The following KLHDC1 variants were observed in gnomAD, a reference collection of about 807,000 sequenced individuals.
KLHDC1 encodes kelch domain-containing protein 1.
Under a neutral mutation model 68.3 loss-of-function variants are expected in KLHDC1, and 53 were observed. That is an observed-to-expected ratio of 0.78 (90% CI 0.62 to 0.98). The LOEUF (loss-of-function observed/expected upper bound fraction) is 0.98. Ranked by LOEUF, KLHDC1 falls within the 50% of genes least tolerant of loss-of-function variation. The pLI, the probability that KLHDC1 is intolerant of heterozygous loss-of-function variation, is 0.00. For synonymous variants in KLHDC1, 148 were observed against 159.0 expected, an observed-to-expected ratio of 0.93 and a Z score of 0.52; for missense variants, 470 against 492.3, an observed-to-expected ratio of 0.95 and a Z score of 0.43.
At chr14:49,703,346 T>C (rs1178430367) in intron 1 of KLHDC1, among the ~76,000 whole-genome samples, 2 of 144,188 alleles carry the variant, frequency 1.4e-5, no homozygotes, top group Non-Finnish European at 3.1e-5. Flanking sequence ...TTTCATGAAT[T>C]TTTTTTTTTT....
intron 4 of KLHDC1, among the ~76,000 whole-genome samples, chr14:49,718,785 T>C (rs1417578495): frequency 2.9e-5 from 4 of 137,892 alleles, no homozygotes; most frequent in African/African-American, 1.1e-4. Flanking sequence ...TTTTTTTTTT[T>C]TTTTTTTTTG....
rs1888146910 is a variant in KLHDC1 at position 49,709,647 on chromosome 14, T to G, written c.168-62T>G. 5.3e-5 allele frequency: 46 copies of G among 875,354 alleles called. No individual in the cohort carries two copies. In the South Asian group the frequency reaches 6.4e-4, roughly 12 times the overall value. 54.2% of individuals were successfully genotyped at this position (875,354 alleles called of 1,614,324 possible). A position where few individuals can be genotyped will look rare whatever the true frequency, so the allele number is the denominator to read the frequency against. On this transcript the variant is annotated intron_variant, in intron 2 of 12. Coordinates refer to ENST00000359332, the MANE Select transcript of KLHDC1 (RefSeq NM_172193.3). The stretch of plus-strand genomic sequence containing the variant: ...CACTGACAAAAGTACTCATGGAGTT[T>G]AAAGAGAATTTTAATTTGCCTTTCT...
intron 1 of KLHDC1, among the ~76,000 whole-genome samples, chr14:49,704,771 G>A (rs543186066): frequency 6.2e-4 from 94 of 152,038 alleles, no homozygotes; most frequent in Non-Finnish European, 1.0e-3. Flanking sequence ...TTTGAAAGGT[G>A]AGATGAGACA....
At chr14:49,723,820 G>T in intron 4 of KLHDC1, 54 bp from the exon 5 acceptor site, 1 of 1,042,122 alleles carries the variant, frequency 9.6e-7, no homozygotes, top group East Asian at 2.5e-5. Context: ...AGCTTTCTAT[G>T]AACAAACTGG....
chr14:49,747,267 G>A (rs974742096), intron 12 of KLHDC1, among the ~76,000 whole-genome samples: 9 of 152,134 alleles, frequency 5.9e-5, no homozygotes, highest in African/African-American at 1.9e-4. Flanking sequence ...TTCATATCCA[G>A]CCTAGTTCAC....
intron 4 of KLHDC1, among the ~76,000 whole-genome samples, chr14:49,711,495 A>G (rs931996821): frequency 1.6e-4 from 24 of 151,662 alleles, no homozygotes; most frequent in African/African-American, 5.6e-4. Flanking sequence ...GAGCCACTGC[A>G]CCTGGCCCTA....
intron 6 of KLHDC1, 38 bp from the exon 7 acceptor site, chr14:49,728,888 T>C: frequency 7.2e-7 from 1 of 1,396,462 alleles, no homozygotes; most frequent in Non-Finnish European, 1.0e-6. Flanking sequence ...TTACAGATAT[T>C]TCAAGTCTTT....
chr14:49,732,386 T>C (rs1888832132), intron 8 of KLHDC1, among the ~76,000 whole-genome samples: 1 of 152,104 alleles, frequency 6.6e-6, no homozygotes. Context: ...CTGCCCAGTC[T>C]GGTCTCGAAC....
At chr14:49,697,084 G>C (rs1307460538) in intron 1 of KLHDC1, among the ~76,000 whole-genome samples, 1 of 152,064 alleles carries the variant, frequency 6.6e-6, no homozygotes, top group Non-Finnish European at 1.5e-5. Context: ...CTACAGGCGT[G>C]TGCCACCACA....
chr14:49,713,248 C>A (rs1352777870), intron 4 of KLHDC1, among the ~76,000 whole-genome samples: 1 of 152,158 alleles, frequency 6.6e-6, no homozygotes, highest in South Asian at 2.1e-4. Context: ...GCTACCGCGC[C>A]CAGCCCATAG....
chr14:49,752,630 G>T lies in KLHDC1; in HGVS notation c.*858G>T, dbSNP rs1889341876. ...AATTTGACTTTATAGAAATCCCTCA[G>T]TTTGGCCCCCACCATTCTACAGAGT... is the stretch of plus-strand genomic sequence containing the variant. On this transcript the variant is annotated 3_prime_UTR_variant, in exon 13 of 13. Coordinates refer to ENST00000359332, the MANE Select transcript of KLHDC1 (RefSeq NM_172193.3). 6.6e-6 allele frequency: 1 copy of T among 152,128 alleles called. No homozygotes were observed. Among genetic ancestry groups the T allele is most frequent in the South Asian group, 2.1e-4 (1 of 4,824 alleles). 9.4% of individuals were successfully genotyped at this position (152,128 alleles called of 1,614,324 possible). A position where few individuals can be genotyped will look rare whatever the true frequency, so the allele number is the denominator to read the frequency against.
At chr14:49,722,852 CG>C (rs1888564962) in intron 4 of KLHDC1, among the ~76,000 whole-genome samples, 3 of 151,906 alleles carry the variant, frequency 2.0e-5, no homozygotes, top group South Asian at 2.1e-4. Flanking sequence ...TTTGGGAGGC[CG>C]AGGTGGGCAG....
At chr14:49,708,770 C>T (rs76375509) in intron 1 of KLHDC1, 1,919 of 153,752 alleles carry the variant, frequency 0.012, 15 homozygotes, top group Non-Finnish European at 0.019. Context: ...TTAATACTTC[C>T]TGTCACCCAA....
intron 12 of KLHDC1, among the ~76,000 whole-genome samples, chr14:49,744,730 A>T (rs75555122): frequency 2.0e-5 from 3 of 152,194 alleles, no homozygotes; most frequent in Admixed American, 6.5e-5. Context: ...AGAAAAAAAA[A>T]GTCTGTACAT....
intron 1 of KLHDC1, among the ~76,000 whole-genome samples, chr14:49,708,035 T>C (rs1001337676): frequency 6.6e-6 from 1 of 151,830 alleles, no homozygotes; most frequent in Non-Finnish European, 1.5e-5. Flanking sequence ...TTATATAGTT[T>C]TAGAAATTCT....
chr14:49,710,141 A>T, intron 3 of KLHDC1, 122 bp from the exon 4 acceptor site: 1 of 573,110 alleles, frequency 1.7e-6, no homozygotes, highest in Non-Finnish European at 3.1e-6. Context: ...TTAAATTTTA[A>T]TAGGTAACAA....
In KLHDC1 at chr14:49,693,175, G is replaced by C. The variant is rs534086575; in HGVS notation, c.-20G>C. On this transcript the variant is annotated 5_prime_UTR_variant, in exon 1 of 13. Coordinates refer to ENST00000359332, the MANE Select transcript of KLHDC1 (RefSeq NM_172193.3). ...GGCAGGGGTTGTGGCGCGGCAAGCG[G>C]CGGGCCAGCGACGGCGCGAATGGCG... 173 of 1,572,832 alleles carry C rather than the reference G, an allele frequency of 1.1e-4. 3 individuals are homozygous for C. In the South Asian group the frequency reaches 1.8e-3, roughly 16 times the overall value.
intron 11 of KLHDC1, among the ~76,000 whole-genome samples, chr14:49,742,534 G>T (rs188378372): frequency 6.6e-6 from 1 of 152,052 alleles, no homozygotes; most frequent in Admixed American, 6.5e-5. Context: ...TAGCCAGGAT[G>T]TGGTGGTGTG....
At chr14:49,715,765 A>AATATATATATATATAT (rs1555339251) in intron 4 of KLHDC1, among the ~76,000 whole-genome samples, 39 of 51,372 alleles carry the variant, frequency 7.6e-4, no homozygotes, top group East Asian at 2.3e-3. Flanking sequence ...AAAAAAAAAA[A>AATATATATATATATAT]ATATATATAT....
Sources: allele counts gnomAD v4.1 joint callset (sites outside exome capture counted in the v4.1 genomes callset), GRCh38; gene constraint gnomAD v4.1.1; transcripts MANE v1.5; gene names NCBI Gene and HGNC (gene_info 2026-07-23, HGNC 2026-07-21).